The following SLC6A12 variants were observed in gnomAD, a reference collection of about 807,000 sequenced individuals.
SLC6A12 encodes sodium- and chloride-dependent betaine transporter.
In SLC6A12, 50 loss-of-function variants were observed where a neutral mutation model predicts 73.3. The ratio of observed to expected loss-of-function variants is 0.68; its 90% CI spans 0.54 to 0.86. The LOEUF is 0.86. SLC6A12 is among the 40% of genes least tolerant of loss of function. The probability of loss-of-function intolerance (pLI) is 0.00; values close to 1 mark genes in which losing one functional copy is unlikely to be tolerated. For synonymous variants in SLC6A12, 304 were observed against 309.2 expected (o/e 0.98, Z 0.18); for missense variants, 648 against 772.8 (o/e 0.84, Z 1.92).
chr12:187,009 A>C (rs1039375458), downstream of SLC6A12, among the ~76,000 whole-genome samples: 1 of 152,336 alleles, frequency 6.6e-6, no homozygotes, highest in African/African-American at 2.4e-5. Flanking sequence ...TTTCTCCGCT[A>C]GGGCACAGAT....
intron 10 of SLC6A12, among the ~76,000 whole-genome samples, chr12:197,108 T>A (rs1319733922): frequency 3.3e-5 from 2 of 61,336 alleles, no homozygotes; most frequent in African/African-American, 1.3e-4. Context: ...CATCCATCCA[T>A]CCATCCATCC....
chr12:199,054 G>A (rs540524349), intron 7 of SLC6A12, 123 bp from the exon 8 acceptor site: 2 of 901,016 alleles, frequency 2.2e-6, no homozygotes, highest in South Asian at 1.6e-5. Flanking sequence ...GCCTAGAGGG[G>A]CTAAGCACAA....
chr12:209,587 T>C (rs189476040), intron 3 of SLC6A12, 186 bp downstream of exon 3: 56 of 633,498 alleles, frequency 8.8e-5, no homozygotes, highest in Middle Eastern at 4.3e-4. Context: ...TGGGAGGTAT[T>C]GTCCCCATTT....
chr12:192,415 G>T, intron 15 of SLC6A12, 63 bp downstream of exon 15: 2 of 1,473,210 alleles, frequency 1.4e-6, no homozygotes, highest in Non-Finnish European at 9.5e-7. Flanking sequence ...TGTGTGTCCT[G>T]CCCCAAGTCC....
intron 5 of SLC6A12, 51 bp from the exon 6 acceptor site, chr12:201,900 T>C: frequency 1.3e-6 from 2 of 1,511,090 alleles, no homozygotes; most frequent in African/African-American, 1.4e-5. Context: ...TCTTATACCC[T>C]AGTCCCCCTG....
At chr12:200,907 T>C (rs2137155084) in intron 6 of SLC6A12, 124 bp from the exon 7 acceptor site, 1 of 912,970 alleles carries the variant, frequency 1.1e-6, no homozygotes, top group Non-Finnish European at 1.6e-6. Flanking sequence ...CTTCCCCCAC[T>C]CCCCACCTCC....
chr12:202,877 A>G lies in SLC6A12; in HGVS notation c.353T>C (p.Ile118Thr). ...WRKICPLFQG[I>T]GLASVVIESY... ...CTCGATGACCACAGATGCCAGACCA[A>G]TGCCTTCCAGAGTGGGGGAGAGATG... The change falls in exon 5 of 16, where the codon ATT becomes ACT. Residue 118 changes from isoleucine to threonine, a missense_variant. Ile to Thr is a moderately conservative substitution (Grantham distance 89). Coordinates refer to ENST00000684302, the MANE Select transcript of SLC6A12 (RefSeq NM_001122848.3). The G allele has an allele frequency of 1.2e-6, 2 of 1,613,778 alleles. No homozygotes were observed. Among genetic ancestry groups the G allele is most frequent in the Non-Finnish European group, 8.5e-7 (1 of 1,179,846 alleles).
Position 191,145 on chromosome 12 carries a change from C to G in SLC6A12, c.1768G>C (p.Gly590Arg). Residue 590 changes from glycine to arginine, a missense_variant, in exon 16 of 16, where the codon GGC becomes CGC. By Grantham distance (125) the Gly-to-Arg change is moderately radical. Transcript: ENST00000684302. ...GGCCCAAAGTTCCGGCCAGCACTGC[C>G]ATCCAAGCAGGGATGTTGCTTGGGC... ...PQPKQHPCLD[G>R]SAGRNFGPSP... 7.5e-7 allele frequency: 1 copy of G among 1,338,088 alleles called. No homozygotes were observed. Among genetic ancestry groups the G allele is most frequent in the East Asian group, 2.8e-5 (1 of 35,340 alleles). 82.9% of individuals were successfully genotyped at this position (1,338,088 alleles called of 1,614,324 possible).
rs777684488 is a variant in SLC6A12, at chr12:198,971, G to A, written c.712-40C>T. The A allele has an allele frequency of 5.0e-6, 8 of 1,609,900 alleles. No individual in the cohort carries two copies. The highest frequency in any genetic ancestry group is 2.2e-5 in the East Asian group (1 of 44,832). ...ACAGGCCAAGGTCACTCCTGGTGGG[G>A]ACGCAGTGGCCCTCCAGCCACGCCC... On this transcript the variant is annotated intron_variant, in intron 7 of 15. Transcript: ENST00000684302. The surrounding 1 kb of genome is among the most constrained non-coding windows in gnomAD (Gnocchi z 4.0).
In SLC6A12 at chr12:213,630, C is replaced by G. The variant is rs1194066273; in HGVS notation, c.-143+292G>C. The stretch of plus-strand genomic sequence containing the variant: ...CCCCTCCCCTCGTCAGATGACCACC[C>G]CTGCTTTCACCCACTGCCGTGACCA... On this transcript the variant is annotated intron_variant, in intron 1 of 15. Transcript: ENST00000684302. This position sits in a 1 kb window ranked among gnomAD's most constrained non-coding sequence, Gnocchi z 5.3. 6.5e-5 allele frequency: 10 copies of G among 153,070 alleles called. No homozygotes were observed. The Admixed American group carries it at 6.5e-4, about 10-fold the overall frequency. The allele number at this position is 153,070 out of a possible 1,614,324, so 9.5% of individuals were successfully genotyped here.
downstream of SLC6A12, among the ~76,000 whole-genome samples, chr12:189,877 G>A (rs515932): frequency 0.47 from 70,764 of 151,988 alleles, 17,377 homozygotes; most frequent in African/African-American, 0.63. Context: ...CATTCCGTGG[G>A]GGAATAAGAG....
At chr12:201,628 G>A (rs1011670913) in intron 6 of SLC6A12, 134 bp downstream of exon 6, 3 of 695,114 alleles carry the variant, frequency 4.3e-6, no homozygotes, top group Non-Finnish European at 5.2e-6. Flanking sequence ...GATGTGTGGG[G>A]TTGGAGTGGG....
intron 3 of SLC6A12, among the ~76,000 whole-genome samples, chr12:205,927 T>C (rs1379363652): frequency 6.6e-6 from 1 of 152,248 alleles, no homozygotes; most frequent in Non-Finnish European, 1.5e-5. Flanking sequence ...ATTGGACTTT[T>C]GGTCATTTCA....
intron 3 of SLC6A12, chr12:204,945 T>G: frequency 2.2e-6 from 1 of 462,562 alleles, no homozygotes; most frequent in East Asian, 3.4e-5. Flanking sequence ...TAGTGAAAAC[T>G]TAGGTGGAAA....
At chr12:187,670 C>T (rs1471057571), downstream of SLC6A12, among the ~76,000 whole-genome samples, 9 of 148,344 alleles carry the variant, frequency 6.1e-5, no homozygotes, top group Non-Finnish European at 3.0e-5. Context: ...ACAACGCGAC[C>T]CCAGCGGGTT....
chr12:190,497 G>A lies in SLC6A12; in HGVS notation c.*571C>T, dbSNP rs1223535082. ...CAAGAACAGTGCGGAACTAGGGCAGGAGCTGGAGATGCCATGAGAGACTCG... is the reference window on the plus strand; with the variant it reads ...CAAGAACAGTGCGGAACTAGGGCAGAAGCTGGAGATGCCATGAGAGACTCG... On this transcript the variant is annotated 3_prime_UTR_variant, in exon 16 of 16. Coordinates refer to ENST00000684302, the MANE Select transcript of SLC6A12 (RefSeq NM_001122848.3). The A allele has an allele frequency of 6.6e-6, 1 of 152,346 alleles. No homozygotes were observed. The highest frequency in any genetic ancestry group is 1.9e-4 in the East Asian group (1 of 5,176). 9.4% of individuals were successfully genotyped at this position (152,346 alleles called of 1,614,324 possible).
intron 10 of SLC6A12, 52 bp downstream of exon 10, chr12:197,325 T>C (rs747100292): frequency 1.5e-5 from 23 of 1,563,432 alleles, no homozygotes; most frequent in Non-Finnish European, 1.9e-5. Context: ...GAGAGAAGTG[T>C]GTTCTCTGAC....
At chr12:188,475 A>G (rs1366974783), downstream of SLC6A12, among the ~76,000 whole-genome samples, 1 of 152,130 alleles carries the variant, frequency 6.6e-6, no homozygotes, top group East Asian at 1.9e-4. Flanking sequence ...CCTCTCTGCA[A>G]GCTGAGGGAG....
At chr12:193,064 G>A (rs550796742) in intron 14 of SLC6A12, 35 of 547,736 alleles carry the variant, frequency 6.4e-5, no homozygotes, top group South Asian at 3.6e-4. Context: ...GGATGGAGCC[G>A]GAAGTAGGAA....
Sources: allele counts gnomAD v4.1 joint callset (sites outside exome capture counted in the v4.1 genomes callset), GRCh38; gene constraint gnomAD v4.1.1; non-coding constraint Gnocchi (gnomAD v3.1); transcripts MANE v1.5; gene names NCBI Gene and HGNC (gene_info 2026-07-23, HGNC 2026-07-21).